The following CCNT2 variants were observed in gnomAD, a reference collection of about 807,000 sequenced individuals.
The protein encoded by CCNT2 is cyclin T2, also known as cyclin-T2.
In CCNT2, 18 loss-of-function variants were observed where a neutral mutation model predicts 70.0. The ratio of observed to expected loss-of-function variants is 0.26; its 90% CI spans 0.18 to 0.38. The LOEUF (loss-of-function observed/expected upper bound fraction) is 0.38. CCNT2 is among the 10% of genes least tolerant of loss of function. The probability of loss-of-function intolerance (pLI) is 1.00; values close to 1 mark genes in which losing one functional copy is unlikely to be tolerated. For synonymous variants in CCNT2, 334 were observed against 313.3 expected (o/e 1.07, Z -0.70); for missense variants, 734 against 890.2 (o/e 0.82, Z 2.23).
chr2:134,942,858 T>C, intron 5 of CCNT2, 184 bp downstream of exon 5: 1 of 1,384,704 alleles, frequency 7.2e-7, no homozygotes, highest in Non-Finnish European at 9.3e-7. Flanking sequence ...CTACCTGGTA[T>C]GTTAGCTTCC....
At chr2:134,928,667 A>G (rs1680492428) in intron 2 of CCNT2, among the ~76,000 whole-genome samples, 1 of 152,152 alleles carries the variant, frequency 6.6e-6, no homozygotes, top group Non-Finnish European at 1.5e-5. Flanking sequence ...CACTATAGTA[A>G]TTCCTTCCAA....
Position 134,947,857 on chromosome 2 carries a change from TG to T in CCNT2, c.664del (p.Glu222AsnfsTer9). On this transcript the variant is annotated frameshift_variant, in exon 7 of 9. Transcript: ENST00000264157. LOFTEE classifies it high-confidence loss of function. The part of the protein sequence containing the change: ...IPVSTDGKHW[W>X]EYVDPTVTLE... The stretch of plus-strand genomic sequence containing the variant: ...TGTATCAACTGATGGAAAGCATTGG[TG>T]GGAATATGTGGATCCTACAGTTACT... 6.5e-7 allele frequency: 1 copy of T among 1,543,926 alleles called. No homozygotes were observed. Among genetic ancestry groups the T allele is most frequent in the Non-Finnish European group, 8.8e-7 (1 of 1,130,328 alleles).
At chr2:134,944,818 C>T in intron 5 of CCNT2, 1 of 985,326 alleles carries the variant, frequency 1.0e-6, no homozygotes, top group Non-Finnish European at 1.2e-6. Flanking sequence ...CTCTGTTGCA[C>T]AGTGACTGTT....
In CCNT2 at chr2:134,957,710, TGTC is replaced by T. The variant is rs1279657079; in HGVS notation, c.*3063_*3065del. 3 of 152,208 alleles carry T rather than the reference TGTC, an allele frequency of 2.0e-5. No homozygotes were observed. Among genetic ancestry groups the T allele is most frequent in the African/African-American group, 7.2e-5 (3 of 41,442 alleles). The allele number at this position is 152,208 out of a possible 1,614,324, so 9.4% of individuals were successfully genotyped here. A position where few individuals can be genotyped will look rare whatever the true frequency, so the allele number is the denominator to read the frequency against. ...TATGTAAATACCAAAAAAGTCCTGT[TGTC>T]AGCCCTAGGTTTATCTTTGAAAGCA... On this transcript the variant is annotated 3_prime_UTR_variant, in exon 9 of 9. Coordinates refer to ENST00000264157, the MANE Select transcript of CCNT2 (RefSeq NM_058241.3).
intron 2 of CCNT2, among the ~76,000 whole-genome samples, chr2:134,920,952 C>T (rs1219918738): frequency 6.6e-6 from 1 of 152,216 alleles, no homozygotes; most frequent in African/African-American, 2.4e-5. Flanking sequence ...TCTTGGACCA[C>T]AAGTATTTTA....
intron 4 of CCNT2, among the ~76,000 whole-genome samples, chr2:134,941,884 A>G (rs549933842): frequency 1.3e-5 from 2 of 152,178 alleles, no homozygotes; most frequent in African/African-American, 2.4e-5. Flanking sequence ...GTAGAACTAT[A>G]TATAGACCAC....
chr2:134,944,852 A>G (rs1312997762), intron 5 of CCNT2: 1 of 985,178 alleles, frequency 1.0e-6, no homozygotes, highest in Non-Finnish European at 1.2e-6. Flanking sequence ...ATTTAGATAC[A>G]TGCCTAGGTG....
In CCNT2 at chr2:134,927,391, A is replaced by G. The variant is rs568675766; in HGVS notation, c.240+7500A>G. 2.0e-5 allele frequency among the ~76,000 whole-genome samples: 3 copies of G among 152,262 alleles called. No individual in the cohort carries two copies. In the East Asian group the frequency reaches 5.8e-4, roughly 29 times the overall value. Reference sequence around the variant, plus strand: ...ATACATGTATATTTTAGCCTTGGTAATTTATATGCTTCTCTGTGGTCCTGG... The same window carrying G: ...ATACATGTATATTTTAGCCTTGGTAGTTTATATGCTTCTCTGTGGTCCTGG... On this transcript the variant is annotated intron_variant, in intron 2 of 8. Coordinates refer to ENST00000264157, the MANE Select transcript of CCNT2 (RefSeq NM_058241.3).
chr2:134,936,046 T>C (rs751243753), intron 2 of CCNT2, among the ~76,000 whole-genome samples: 1 of 152,014 alleles, frequency 6.6e-6, no homozygotes, highest in Non-Finnish European at 1.5e-5. Flanking sequence ...GTGGTAGTTA[T>C]AGCCACACAA....
At chr2:134,931,697 C>T (rs1680783179) in intron 2 of CCNT2, among the ~76,000 whole-genome samples, 1 of 152,118 alleles carries the variant, frequency 6.6e-6, no homozygotes. Flanking sequence ...CCTTTTGTAA[C>T]ATTTATGTAG....
chr2:134,929,377 G>C (rs1224703735), intron 2 of CCNT2, among the ~76,000 whole-genome samples: 7 of 151,954 alleles, frequency 4.6e-5, no homozygotes, highest in Non-Finnish European at 1.0e-4. Flanking sequence ...GACAGAGGTG[G>C]GAGGATTGAA....
At chr2:134,922,520 G>A (rs997593378) in intron 2 of CCNT2, among the ~76,000 whole-genome samples, 1 of 152,148 alleles carries the variant, frequency 6.6e-6, no homozygotes, top group Non-Finnish European at 1.5e-5. Flanking sequence ...TTGAATAGCT[G>A]TCAGCAGTAA....
At chr2:134,926,431 T>C (rs1033930458) in intron 2 of CCNT2, among the ~76,000 whole-genome samples, 3 of 152,224 alleles carry the variant, frequency 2.0e-5, no homozygotes, top group African/African-American at 7.2e-5. Context: ...TCTTGCTGAT[T>C]GTGCTTTTCC....
At position 134,957,165 on chromosome 2, in the gene CCNT2, T is replaced by G. The variant is rs558511500; in HGVS notation, c.*2517T>G. On this transcript the variant is annotated 3_prime_UTR_variant, in exon 9 of 9. Transcript: ENST00000264157. ...ATAATTCATACTATCATGAATTTGC[T>G]TTATCCATCTCATTTGCATAACAGT... 262 of 152,322 alleles carry G rather than the reference T, an allele frequency of 1.7e-3. No individual in the cohort carries two copies. The highest frequency in any genetic ancestry group is 6.0e-3 in the African/African-American group (249 of 41,570). The allele number at this position is 152,322 out of a possible 1,614,324, so 9.4% of individuals were successfully genotyped here. A position where few individuals can be genotyped will look rare whatever the true frequency, so the allele number is the denominator to read the frequency against.
At chr2:134,946,862 T>C (rs1682014677) in intron 6 of CCNT2, among the ~76,000 whole-genome samples, 1 of 152,164 alleles carries the variant, frequency 6.6e-6, no homozygotes, top group African/African-American at 2.4e-5. Context: ...AAATTTGTCT[T>C]TTTGAGTGGA....
Position 134,956,982 on chromosome 2 carries a change from CTT to C in CCNT2, c.*2336_*2337del, listed in dbSNP as rs1418251937. ...CTGTAAATGTAATTCTTTACAATGACTTTATTTATTAAAGGGCAGCCAGTTGT... is the reference window on the plus strand; with the variant it reads ...CTGTAAATGTAATTCTTTACAATGACTATTTATTAAAGGGCAGCCAGTTGT... On this transcript the variant is annotated 3_prime_UTR_variant, in exon 9 of 9. Coordinates refer to ENST00000264157, the MANE Select transcript of CCNT2 (RefSeq NM_058241.3). 1 of 152,556 alleles carries C rather than the reference CTT, an allele frequency of 6.6e-6. No individual in the cohort carries two copies. The highest frequency in any genetic ancestry group is 2.4e-5 in the African/African-American group (1 of 41,446). The allele number at this position is 152,556 out of a possible 1,614,324, so 9.5% of individuals were successfully genotyped here.
At chr2:134,928,594 A>G (rs1680482181) in intron 2 of CCNT2, among the ~76,000 whole-genome samples, 1 of 152,142 alleles carries the variant, frequency 6.6e-6, no homozygotes. Flanking sequence ...TCTATTTGAC[A>G]GTGACGGTGT....
At chr2:134,945,140 C>T (rs553504144) in intron 5 of CCNT2, 5 of 985,418 alleles carry the variant, frequency 5.1e-6, no homozygotes, top group South Asian at 9.4e-5. Context: ...CTCTGCTAAA[C>T]CCCAATCCCT....
chr2:134,945,300 T>TA (rs995824543), intron 5 of CCNT2: 31 of 985,210 alleles, frequency 3.1e-5, no homozygotes, highest in Non-Finnish European at 3.7e-5. Flanking sequence ...AGGGGAAAGA[T>TA]ATGTCAGTGC....
Sources: gnomAD v4.1 joint callset for allele counts (sites outside exome capture counted in the v4.1 genomes callset) on GRCh38, gnomAD v4.1.1 for gene constraint, MANE v1.5 for transcripts, NCBI Gene and HGNC (gene_info 2026-07-23, HGNC 2026-07-21) for gene names.